Variants in RFTN2 observed in about 807,000 individuals in gnomAD.
RFTN2 encodes the protein raftlin family member 2.
Under a neutral mutation model 52.7 loss-of-function variants are expected in RFTN2, and 34 were observed. The observed-to-expected ratio is 0.64, with a 90% CI of 0.49 to 0.86. RFTN2 has a LOEUF of 0.86. Ranked by LOEUF, RFTN2 falls within the 40% of genes least tolerant of loss-of-function variation. The pLI, the probability that RFTN2 is intolerant of heterozygous loss-of-function variation, is 0.00. For synonymous variants in RFTN2, 203 were observed against 217.7 expected (o/e 0.93, Z 0.59); for missense variants, 536 against 600.1 (o/e 0.89, Z 1.12).
At chr2:197,644,770 C>A (rs2088724732) in intron 2 of RFTN2, among the ~76,000 whole-genome samples, 1 of 152,104 alleles carries the variant, frequency 6.6e-6, no homozygotes, top group South Asian at 2.1e-4. Context: ...AGGACATAAG[C>A]AATCCTACTA....
intron 7 of RFTN2, among the ~76,000 whole-genome samples, chr2:197,607,094 T>C (rs1450142505): frequency 6.6e-6 from 1 of 152,166 alleles, no homozygotes; most frequent in African/African-American, 2.4e-5. Context: ...TGTCCAACAA[T>C]GATAGACTGG....
intron 1 of RFTN2, among the ~76,000 whole-genome samples, chr2:197,658,382 C>G (rs2106264035): frequency 6.6e-6 from 1 of 152,116 alleles, no homozygotes; most frequent in Non-Finnish European, 1.5e-5. Flanking sequence ...GTGATCCTCC[C>G]ACCTCAGCCT....
intron 7 of RFTN2, among the ~76,000 whole-genome samples, chr2:197,598,477 G>A (rs2087825996): frequency 6.6e-6 from 1 of 152,176 alleles, no homozygotes; most frequent in Non-Finnish European, 1.5e-5. Context: ...TGGGAAGCAG[G>A]GATCAGGGTA....
intron 8 of RFTN2, among the ~76,000 whole-genome samples, chr2:197,589,771 A>C (rs1254219311): frequency 6.6e-6 from 1 of 151,990 alleles, no homozygotes; most frequent in African/African-American, 2.4e-5. Flanking sequence ...CATGTATATG[A>C]TATATGAGTT....
intron 1 of RFTN2, among the ~76,000 whole-genome samples, chr2:197,666,680 T>A (rs1192058445): frequency 1.3e-5 from 2 of 152,232 alleles, no homozygotes; most frequent in East Asian, 3.8e-4. Context: ...AATGTCTAAA[T>A]CTTGGGAAGT....
intron 8 of RFTN2, among the ~76,000 whole-genome samples, chr2:197,585,283 C>G (rs2087577607): frequency 6.6e-6 from 1 of 152,192 alleles, no homozygotes; most frequent in Non-Finnish European, 1.5e-5. Flanking sequence ...ACCCCAAAAA[C>G]TTGTCATCCC....
chr2:197,659,907 A>G (rs1298682044), intron 1 of RFTN2, among the ~76,000 whole-genome samples: 2 of 152,376 alleles, frequency 1.3e-5, no homozygotes, highest in East Asian at 3.9e-4. Context: ...TCTAGCAATT[A>G]TAGTAAAAAA....
At chr2:197,582,162 C>T (rs2087521115) in intron 8 of RFTN2, among the ~76,000 whole-genome samples, 1 of 152,196 alleles carries the variant, frequency 6.6e-6, no homozygotes. Flanking sequence ...CTTTTAGAGG[C>T]CCTCAAAATC....
chr2:197,655,839 A>G (rs2088887546), intron 1 of RFTN2, among the ~76,000 whole-genome samples: 1 of 151,668 alleles, frequency 6.6e-6, no homozygotes, highest in South Asian at 2.1e-4. Context: ...AAACAAAACA[A>G]CTCATATTTG....
chr2:197,641,521 A>C (rs2088674902), intron 3 of RFTN2, among the ~76,000 whole-genome samples: 3 of 152,230 alleles, frequency 2.0e-5, no homozygotes, highest in African/African-American at 7.2e-5. Context: ...AGATGCAGAA[A>C]AACTTTTTTC....
chr2:197,636,984 T>C (rs1386597639), intron 3 of RFTN2, among the ~76,000 whole-genome samples: 1 of 152,164 alleles, frequency 6.6e-6, no homozygotes, highest in Non-Finnish European at 1.5e-5. Context: ...CTTTTCTGCA[T>C]CTATTGAGAT....
At chr2:197,626,623 T>TTTC (rs1428944270) in intron 5 of RFTN2, among the ~76,000 whole-genome samples, 2 of 131,356 alleles carry the variant, frequency 1.5e-5, no homozygotes, top group Admixed American at 7.5e-5. Flanking sequence ...TCTTCTTTTT[T>TTTC]TTTTTTTTTT....
chr2:197,651,626 A>G (rs140636058), intron 1 of RFTN2, among the ~76,000 whole-genome samples: 2,603 of 152,294 alleles, frequency 0.017, 73 homozygotes, highest in African/African-American at 0.059. Context: ...CAAAAAAACA[A>G]AAACAAAAAC....
intron 7 of RFTN2, 145 bp downstream of exon 7, chr2:197,615,731 C>A (rs1441503969): frequency 3.4e-6 from 2 of 582,518 alleles, no homozygotes; most frequent in South Asian, 2.0e-5. Flanking sequence ...TATTTACTAA[C>A]CTCTAAGGTC....
intron 8 of RFTN2, among the ~76,000 whole-genome samples, chr2:197,590,986 A>G (rs1345498624): frequency 6.6e-6 from 1 of 152,128 alleles, no homozygotes; most frequent in Non-Finnish European, 1.5e-5. Context: ...GCCTGCTTTT[A>G]TTCTCTTATC....
intron 3 of RFTN2, among the ~76,000 whole-genome samples, chr2:197,641,220 A>G (rs1214804816): frequency 1.3e-5 from 2 of 152,224 alleles, no homozygotes; most frequent in Non-Finnish European, 2.9e-5. Flanking sequence ...AATGGGGGCA[A>G]CTTAATTCAC....
intron 5 of RFTN2, among the ~76,000 whole-genome samples, chr2:197,619,321 G>T (rs1047074821): frequency 6.6e-6 from 1 of 152,108 alleles, no homozygotes; most frequent in African/African-American, 2.4e-5. Flanking sequence ...GTGGGGAAAA[G>T]ATTGAGAAAT....
At chr2:197,634,148 C>T in intron 3 of RFTN2, 151 bp from the exon 4 acceptor site, 1 of 650,710 alleles carries the variant, frequency 1.5e-6, no homozygotes, top group Non-Finnish European at 2.6e-6. Flanking sequence ...AATGAATCAC[C>T]TGTAAAATAG....
Position 197,646,556 on chromosome 2 carries a change from G to GTA in RFTN2, c.248_249dup (p.Gln84TyrfsTer23). The GTA allele has an allele frequency of 6.2e-7, 1 of 1,613,904 alleles. No individual in the cohort carries two copies. The highest frequency in any genetic ancestry group is 8.5e-7 in the Non-Finnish European group (1 of 1,179,784). ...AGGTGTTTTCGCTGCCCCACAGGTTGTATAACAGGATGAATAGCCCCGACA... is the reference window on the plus strand; with the variant it reads ...AGGTGTTTTCGCTGCCCCACAGGTTGTATATAACAGGATGAATAGCCCCGACA... On this transcript the variant is annotated frameshift_variant, in exon 2 of 9. Transcript: ENST00000295049. LOFTEE classifies it high-confidence loss of function.
Sources: allele counts gnomAD v4.1 joint callset (sites outside exome capture counted in the v4.1 genomes callset), GRCh38; gene constraint gnomAD v4.1.1; transcripts MANE v1.5; gene names NCBI Gene and HGNC (gene_info 2026-07-23, HGNC 2026-07-21).